Variants in RELL1 observed in about 807,000 individuals in gnomAD.
RELL1 encodes the protein RELT like 1.
Under a neutral mutation model 23.0 loss-of-function variants are expected in RELL1, and 10 were observed. That is an observed-to-expected ratio of 0.43 (90% CI 0.27 to 0.74). The LOEUF (loss-of-function observed/expected upper bound fraction) is 0.74. Ranked by LOEUF, RELL1 falls within the 30% of genes least tolerant of loss-of-function variation. The pLI, the probability that RELL1 is intolerant of heterozygous loss-of-function variation, is 0.19. For synonymous variants in RELL1, 146 were observed against 146.8 expected (o/e 0.99, Z 0.04); for missense variants, 315 against 364.4 (o/e 0.86, Z 1.10).
At chr4:37,616,462 T>G (rs968738804) in intron 6 of RELL1, among the ~76,000 whole-genome samples, 5 of 152,308 alleles carry the variant, frequency 3.3e-5, no homozygotes, top group African/African-American at 1.2e-4. Context: ...AGAAAGGAAA[T>G]GCAGAAACTA....
At chr4:37,630,062 G>A (rs1395030591) in intron 6 of RELL1, among the ~76,000 whole-genome samples, 2 of 152,102 alleles carry the variant, frequency 1.3e-5, no homozygotes, top group South Asian at 2.1e-4. Flanking sequence ...GAACCTGGCA[G>A]TCTGACTCCA....
chr4:37,586,321 C>T (rs531353883), downstream of RELL1, among the ~76,000 whole-genome samples: 1 of 152,146 alleles, frequency 6.6e-6, no homozygotes, highest in South Asian at 2.1e-4. Flanking sequence ...ATAGTGCTCT[C>T]GTTTTTAATC....
chr4:37,642,232 C>G (rs921472812), intron 3 of RELL1, among the ~76,000 whole-genome samples: 22 of 152,198 alleles, frequency 1.4e-4, no homozygotes, highest in Admixed American at 1.4e-3. Context: ...GCAAAAACTT[C>G]ACAAAGGCAT....
At chr4:37,663,182 C>T (rs1721414973) in intron 1 of RELL1, among the ~76,000 whole-genome samples, 1 of 152,114 alleles carries the variant, frequency 6.6e-6, no homozygotes, top group African/African-American at 2.4e-5. Context: ...GTTCTCCAGC[C>T]CCTCCCTCCC....
chr4:37,608,173 G>GA (rs1487735454), downstream of RELL1, among the ~76,000 whole-genome samples: 1 of 152,028 alleles, frequency 6.6e-6, no homozygotes, highest in Non-Finnish European at 1.5e-5. Flanking sequence ...CCTATTCCCT[G>GA]AGACAAAATA....
intron 1 of RELL1, among the ~76,000 whole-genome samples, chr4:37,657,510 G>A (rs1355104964): frequency 2.0e-5 from 3 of 152,308 alleles, no homozygotes; most frequent in Non-Finnish European, 4.4e-5. Flanking sequence ...ATGAAGCAAT[G>A]GCCTTGAGAT....
chr4:37,684,620 T>C (rs575538527), intron 1 of RELL1, among the ~76,000 whole-genome samples: 3 of 152,342 alleles, frequency 2.0e-5, no homozygotes, highest in Admixed American at 6.5e-5. Context: ...AACCTGATTA[T>C]GCACCTATGT....
intron 1 of RELL1, among the ~76,000 whole-genome samples, chr4:37,654,615 G>A (rs3860061): frequency 1.3e-5 from 2 of 152,088 alleles, no homozygotes; most frequent in African/African-American, 2.4e-5. Context: ...TCTGAATCAC[G>A]AACAAGTTAC....
chr4:37,657,537 A>G (rs1266294048), intron 1 of RELL1, among the ~76,000 whole-genome samples: 1 of 152,174 alleles, frequency 6.6e-6, no homozygotes, highest in Non-Finnish European at 1.5e-5. Context: ...CATATGAAGG[A>G]GGGGAGTTAA....
At chr4:37,605,803 GAAAGAAAGAAAGAA>G (rs1560324692), downstream of RELL1, among the ~76,000 whole-genome samples, 5 of 92,092 alleles carry the variant, frequency 5.4e-5, no homozygotes, top group East Asian at 2.3e-4. Context: ...GAGAAAGAAA[GAAAGAAAGAAAGAA>G]AGAAAGAAAG....
At chr4:37,642,885 G>A (rs961479968) in intron 3 of RELL1, among the ~76,000 whole-genome samples, 6 of 152,330 alleles carry the variant, frequency 3.9e-5, no homozygotes, top group Non-Finnish European at 5.9e-5. Context: ...TGCAGGTGCC[G>A]GGAGGGTGGC....
At chr4:37,644,608 C>T (rs1720645402) in intron 3 of RELL1, among the ~76,000 whole-genome samples, 1 of 151,554 alleles carries the variant, frequency 6.6e-6, no homozygotes, top group African/African-American at 2.4e-5. Flanking sequence ...TACAGACATG[C>T]ACCACCACGC....
intron 1 of RELL1, among the ~76,000 whole-genome samples, chr4:37,650,152 G>C (rs914326801): frequency 4.6e-5 from 7 of 152,172 alleles, no homozygotes; most frequent in Admixed American, 4.6e-4. Context: ...ACCATTCTAG[G>C]CACTTGTGAT....
At chr4:37,636,126 G>A (rs1029843309) in intron 4 of RELL1, among the ~76,000 whole-genome samples, 6 of 152,162 alleles carry the variant, frequency 3.9e-5, no homozygotes, top group African/African-American at 1.4e-4. Flanking sequence ...GAGAAGTGAG[G>A]TAACTTGCCC....
intron 6 of RELL1, among the ~76,000 whole-genome samples, chr4:37,595,451 G>C (rs1408197775): frequency 1.3e-5 from 2 of 152,146 alleles, no homozygotes; most frequent in African/African-American, 4.8e-5. Flanking sequence ...ACGGCACAAG[G>C]GGGGAACTCA....
At chr4:37,643,768 G>A (rs538784703) in intron 3 of RELL1, among the ~76,000 whole-genome samples, 25 of 152,270 alleles carry the variant, frequency 1.6e-4, no homozygotes, top group African/African-American at 5.8e-4. Context: ...TCTCAAAGCC[G>A]AACTCAAACA....
intron 1 of RELL1, among the ~76,000 whole-genome samples, chr4:37,680,023 C>T (rs1391404709): frequency 6.6e-6 from 1 of 152,090 alleles, no homozygotes; most frequent in African/African-American, 2.4e-5. Flanking sequence ...CAAAAGCCTA[C>T]AAGAAAAACT....
intron 6 of RELL1, among the ~76,000 whole-genome samples, chr4:37,625,193 A>G (rs1719897498): frequency 6.6e-6 from 1 of 152,228 alleles, no homozygotes; most frequent in Non-Finnish European, 1.5e-5. Context: ...AATAAAACAA[A>G]AATAAAAACA....
At chr4:37,586,771 G>A (rs558080178), downstream of RELL1, among the ~76,000 whole-genome samples, 8 of 152,278 alleles carry the variant, frequency 5.3e-5, no homozygotes, top group South Asian at 1.2e-3. Context: ...TTAGCTGGGC[G>A]TGTTGGCAGG....
Sources: gnomAD v4.1 joint callset for allele counts (sites outside exome capture counted in the v4.1 genomes callset) on GRCh38, gnomAD v4.1.1 for gene constraint, MANE v1.5 for transcripts, NCBI Gene and HGNC (gene_info 2026-07-23, HGNC 2026-07-21) for gene names.